Variants in SQSTM1 observed in about 807,000 individuals in gnomAD.
The protein encoded by SQSTM1 is sequestosome-1.
Under a neutral mutation model 45.1 loss-of-function variants are expected in SQSTM1, and 36 were observed. The observed-to-expected ratio is 0.80, with a 90% confidence interval of 0.61 to 1.05. SQSTM1 has a LOEUF of 1.05. SQSTM1 is among the 50% of genes least tolerant of loss of function. The probability of loss-of-function intolerance (pLI) is 0.00; values close to 1 mark genes in which losing one functional copy is unlikely to be tolerated. For synonymous variants in SQSTM1, 290 were observed against 244.3 expected, an observed-to-expected ratio of 1.19 and a Z score of -1.74; for missense variants, 617 against 607.1, an observed-to-expected ratio of 1.02 and a Z score of -0.17.
At chr5:179,812,354 C>T (rs1217748979) in intron 2 of SQSTM1, 1 of 151,974 alleles carries the variant, frequency 6.6e-6, no homozygotes, top group Non-Finnish European at 1.5e-5. Context: ...TTTTCGGGTT[C>T]CTTCCTGATG....
chr5:179,812,355 C>T (rs1415366020), intron 2 of SQSTM1: 1 of 151,980 alleles, frequency 6.6e-6, no homozygotes, highest in East Asian at 1.9e-4. Flanking sequence ...TTTCGGGTTC[C>T]TTCCTGATGG....
chr5:179,821,645 CGCGAG>C, intron 1 of SQSTM1: 1 of 404,256 alleles, frequency 2.5e-6, no homozygotes, highest in South Asian at 1.7e-5. Context: ...GCGGGGGACT[CGCGAG>C]CGCCGCGACA....
rs569958275 is a variant in SQSTM1 at position 179,830,549 on chromosome 5, T to A, written c.755-2483T>A. Among the ~76,000 whole-genome samples the A allele has an allele frequency of 1.2e-4, 17 of 147,172 alleles. No individual in the cohort carries two copies. In the Middle Eastern group the frequency reaches 0.011, roughly 93 times the overall value. On this transcript the variant is annotated intron_variant, in intron 5 of 7. Coordinates refer to ENST00000389805, the MANE Select transcript of SQSTM1 (RefSeq NM_003900.5). ...GGCATGTGCCACTGTGCCTAGATAT[T>A]TTTTTTTTTCTTTTTCTTTCCCCAC... is the stretch of plus-strand genomic sequence containing the variant.
chr5:179,837,389 G>A lies in SQSTM1; in HGVS notation c.*796G>A. 1 of 1,588,420 alleles carries A rather than the reference G, an allele frequency of 6.3e-7. No homozygotes were observed. Among genetic ancestry groups the A allele is most frequent in the Non-Finnish European group, 8.6e-7 (1 of 1,165,522 alleles). ...CTCGATTAATAACCTGCCAGTCCCA[G>A]ATCACACATCATCATCGAAGTCTTC... is the stretch of plus-strand genomic sequence containing the variant. On this transcript the variant is annotated 3_prime_UTR_variant, in exon 8 of 8. Transcript: ENST00000389805.
intron 1 of SQSTM1, among the ~76,000 whole-genome samples, chr5:179,810,307 C>A (rs1302550962): frequency 6.6e-6 from 1 of 152,068 alleles, no homozygotes; most frequent in Admixed American, 6.5e-5. Flanking sequence ...TGTGACGTTC[C>A]CCACCCTGTG....
intron 5 of SQSTM1, among the ~76,000 whole-genome samples, chr5:179,825,854 G>A (rs566385976): frequency 3.3e-5 from 5 of 152,218 alleles, no homozygotes; most frequent in East Asian, 1.9e-4. Context: ...TGCCTGTTGC[G>A]TCTGGCTAAG....
At chr5:179,813,259 C>A (rs532358856) in intron 2 of SQSTM1, 1 of 152,336 alleles carries the variant, frequency 6.6e-6, no homozygotes, top group Admixed American at 6.5e-5. Context: ...CCATCCACAG[C>A]CACCTTATCA....
chr5:179,832,547 A>G (rs1758276118), intron 5 of SQSTM1, among the ~76,000 whole-genome samples: 1 of 152,162 alleles, frequency 6.6e-6, no homozygotes, highest in Non-Finnish European at 1.5e-5. Flanking sequence ...TGTGGCTGGA[A>G]GCGCCTGCCA....
chr5:179,831,888 AT>A (rs1328518367), intron 5 of SQSTM1, among the ~76,000 whole-genome samples: 1 of 151,228 alleles, frequency 6.6e-6, no homozygotes, highest in Non-Finnish European at 1.5e-5. Context: ...GGTTCAAGCG[AT>A]TCTTCTGCCT....
chr5:179,824,474 GT>G, intron 4 of SQSTM1, 151 bp downstream of exon 4: 1 of 1,234,530 alleles, frequency 8.1e-7, no homozygotes, highest in African/African-American at 1.5e-5. Context: ...ACCCTGCAAA[GT>G]GGGGTGTATT....
upstream of SQSTM1, among the ~76,000 whole-genome samples, chr5:179,815,026 G>A (rs932402675): frequency 6.6e-6 from 1 of 152,200 alleles, no homozygotes; most frequent in East Asian, 1.9e-4. Context: ...AACTGCTGGT[G>A]GCTTGAGGGG....
intron 1 of SQSTM1, among the ~76,000 whole-genome samples, chr5:179,811,093 A>T (rs1757380981): frequency 6.6e-6 from 1 of 151,934 alleles, no homozygotes; most frequent in Non-Finnish European, 1.5e-5. Context: ...ATTAGCCGGG[A>T]GTGGTGGCGG....
At chr5:179,835,054 C>T (rs1244991296) in intron 7 of SQSTM1, 6 of 209,960 alleles carry the variant, frequency 2.9e-5, no homozygotes, top group South Asian at 5.2e-5. Context: ...TCAGACGGGG[C>T]GGCCGGGCAG....
intron 5 of SQSTM1, among the ~76,000 whole-genome samples, chr5:179,825,982 G>C (rs556017234): frequency 3.7e-4 from 57 of 152,316 alleles, no homozygotes; most frequent in African/African-American, 1.4e-3. Context: ...TGGGACACCT[G>C]CATCTCTCGC....
chr5:179,827,790 C>T (rs980323482), intron 5 of SQSTM1, among the ~76,000 whole-genome samples: 2 of 152,214 alleles, frequency 1.3e-5, no homozygotes, highest in Non-Finnish European at 2.9e-5. Flanking sequence ...GAACTATAAG[C>T]TGGATGACTC....
chr5:179,806,437 C>A lies in SQSTM1; in HGVS notation c.-311C>A. On this transcript the variant is annotated 5_prime_UTR_variant, in exon 1 of 6. Transcript: ENST00000514093. The surrounding 1 kb of genome is among the most constrained non-coding windows in gnomAD (Gnocchi z 4.6). ...CGGCCACCGCCGGGCCCGCTCCCGCCGCCGACGCCCAGGTGCGCCAGGTGC... is the reference window on the plus strand; with the variant it reads ...CGGCCACCGCCGGGCCCGCTCCCGCAGCCGACGCCCAGGTGCGCCAGGTGC... The A allele has an allele frequency of 8.8e-7, 1 of 1,130,952 alleles. No individual in the cohort carries two copies. The highest frequency in any genetic ancestry group is 1.1e-6 in the Non-Finnish European group (1 of 904,614). 70.1% of individuals were successfully genotyped at this position (1,130,952 alleles called of 1,614,324 possible).
chr5:179,835,144 G>A (rs1758469016), intron 7 of SQSTM1: 3 of 215,548 alleles, frequency 1.4e-5, no homozygotes, highest in South Asian at 4.9e-5. Flanking sequence ...CGGGGCAGAG[G>A]CGCTCCCCAC....
chr5:179,821,361 G>C (rs1446091318), intron 1 of SQSTM1, among the ~76,000 whole-genome samples: 1 of 152,188 alleles, frequency 6.6e-6, no homozygotes, highest in Non-Finnish European at 1.5e-5. Flanking sequence ...CCGCTGCTCA[G>C]CGTCGGCCCC....
Position 179,837,102 on chromosome 5 carries a change from A to G in SQSTM1, c.*509A>G, listed in dbSNP as rs1720171961. The stretch of plus-strand genomic sequence containing the variant: ...AGAAGGCTCACGAAGGGCATCCGCA[A>G]TGTTGGTTTCACTGAGAGCTGCCTC... On this transcript the variant is annotated 3_prime_UTR_variant, in exon 8 of 8. Transcript: ENST00000389805. 4.2e-6 allele frequency: 4 copies of G among 962,828 alleles called. No individual in the cohort carries two copies. Among genetic ancestry groups the G allele is most frequent in the Non-Finnish European group, 6.4e-6 (4 of 625,404 alleles). 59.6% of individuals were successfully genotyped at this position (962,828 alleles called of 1,614,324 possible).
Sources: gnomAD v4.1 joint callset for allele counts (sites outside exome capture counted in the v4.1 genomes callset) on GRCh38, gnomAD v4.1.1 for gene constraint, Gnocchi (gnomAD v3.1) non-coding constraint, MANE v1.5 for transcripts, NCBI Gene and HGNC (gene_info 2026-07-23, HGNC 2026-07-21) for gene names.